Variants in KCNMB2 observed in about 807,000 individuals in gnomAD.
KCNMB2 encodes potassium calcium-activated channel subfamily M regulatory beta subunit 2.
KCNMB2 carries 9 observed loss-of-function variants against 24.5 expected under a neutral mutation model. That is an observed-to-expected ratio of 0.37 (90% CI 0.22 to 0.64). The LOEUF (loss-of-function observed/expected upper bound fraction) is 0.64, where lower values mean the gene tolerates loss of function less well. Among genes scored for constraint, KCNMB2 ranks in the 30% least tolerant of loss-of-function variants. The pLI, the probability that KCNMB2 is intolerant of heterozygous loss-of-function variation, is 0.63. For synonymous variants in KCNMB2, 109 were observed against 104.4 expected, an observed-to-expected ratio of 1.04 and a Z score of -0.27; for missense variants, 226 against 284.3, an observed-to-expected ratio of 0.79 and a Z score of 1.47.
intron 1 of KCNMB2, among the ~76,000 whole-genome samples, chr3:178,705,412 T>C (rs1222722728): frequency 6.6e-6 from 1 of 152,148 alleles, no homozygotes; most frequent in African/African-American, 2.4e-5. Context: ...GGTCGTTCCA[T>C]AGGCTAAAGC....
intron 1 of KCNMB2, among the ~76,000 whole-genome samples, chr3:178,714,618 G>A (rs1479866457): frequency 1.3e-5 from 2 of 152,232 alleles, no homozygotes; most frequent in Non-Finnish European, 2.9e-5. Context: ...AATGAGCCCA[G>A]TTTGGAAAGA....
chr3:178,739,901 A>G (rs1344981999), intron 1 of KCNMB2, among the ~76,000 whole-genome samples: 2 of 152,164 alleles, frequency 1.3e-5, no homozygotes, highest in African/African-American at 2.4e-5. Context: ...GAAAACCAGA[A>G]CACAGACTCA....
At chr3:178,760,646 A>G (rs1169385587) in intron 1 of KCNMB2, among the ~76,000 whole-genome samples, 2 of 151,374 alleles carry the variant, frequency 1.3e-5, no homozygotes, top group African/African-American at 2.4e-5. Flanking sequence ...TACAAGAAGG[A>G]AATAAATTAA....
intron 1 of KCNMB2, among the ~76,000 whole-genome samples, chr3:178,597,856 G>T (rs1717932205): frequency 6.6e-6 from 1 of 152,048 alleles, no homozygotes; most frequent in Non-Finnish European, 1.5e-5. Flanking sequence ...AAAAAGCCCT[G>T]TTGATAATCT....
intron 1 of KCNMB2, among the ~76,000 whole-genome samples, chr3:178,613,261 G>A (rs1718560206): frequency 6.6e-6 from 1 of 152,176 alleles, no homozygotes; most frequent in Non-Finnish European, 1.5e-5. Flanking sequence ...AGTGGGGCAT[G>A]GTGGTGGGCG....
At chr3:178,544,845 T>C (rs1464285085) in intron 1 of KCNMB2, among the ~76,000 whole-genome samples, 1 of 152,214 alleles carries the variant, frequency 6.6e-6, no homozygotes, top group Non-Finnish European at 1.5e-5. Context: ...GGTTGCAAAC[T>C]CATTGAAAGC....
At chr3:178,724,754 T>C (rs763444073) in intron 1 of KCNMB2, among the ~76,000 whole-genome samples, 3 of 152,094 alleles carry the variant, frequency 2.0e-5, no homozygotes, top group African/African-American at 4.8e-5. Context: ...ACTTATTGAA[T>C]AGCGTACCTT....
At chr3:178,759,041 G>A (rs1198402321) in intron 1 of KCNMB2, among the ~76,000 whole-genome samples, 6 of 228 alleles carry the variant, frequency 0.026, no homozygotes, top group African/African-American at 0.042. Context: ...TCTCCAAGAG[G>A]GATATATATA....
chr3:178,832,023 ATTG>A (rs1350888762), intron 4 of KCNMB2, among the ~76,000 whole-genome samples: 1 of 152,128 alleles, frequency 6.6e-6, no homozygotes, highest in African/African-American at 2.4e-5. Context: ...AGACATTACT[ATTG>A]TTGTTGTATA....
At chr3:178,745,191 G>A (rs759460392) in intron 1 of KCNMB2, among the ~76,000 whole-genome samples, 2 of 152,078 alleles carry the variant, frequency 1.3e-5, no homozygotes, top group Admixed American at 1.3e-4. Flanking sequence ...ACCCAAGACG[G>A]GGCAATTTAC....
At chr3:178,607,813 TAC>T (rs1253610069) in intron 1 of KCNMB2, among the ~76,000 whole-genome samples, 1 of 152,180 alleles carries the variant, frequency 6.6e-6, no homozygotes, top group African/African-American at 2.4e-5. Flanking sequence ...ATCTTGTTAA[TAC>T]AGTCATTTAA....
chr3:178,616,647 T>A (rs1311166265), intron 1 of KCNMB2, among the ~76,000 whole-genome samples: 2 of 152,204 alleles, frequency 1.3e-5, no homozygotes, highest in Non-Finnish European at 2.9e-5. Context: ...CTCACCTGAC[T>A]TTTGGTTCTT....
intron 1 of KCNMB2, chr3:178,801,942 G>A (rs1713792334): frequency 6.6e-6 from 1 of 152,206 alleles, no homozygotes; most frequent in Admixed American, 6.5e-5. Context: ...TGCCTGGAAT[G>A]TAAGAGGCAC....
chr3:178,788,292 G>C (rs777675937), intron 1 of KCNMB2, among the ~76,000 whole-genome samples: 11 of 152,154 alleles, frequency 7.2e-5, no homozygotes, highest in Non-Finnish European at 1.3e-4. Context: ...AATCAAAACT[G>C]AACATCAGTT....
chr3:178,644,645 T>C, intron 1 of KCNMB2, among the ~76,000 whole-genome samples: 1 of 152,220 alleles, frequency 6.6e-6, no homozygotes, highest in East Asian at 1.9e-4. Context: ...GTGTGCATCG[T>C]CAGCTTCTCC....
chr3:178,588,959 C>T (rs1233750161), intron 1 of KCNMB2, among the ~76,000 whole-genome samples: 1 of 152,214 alleles, frequency 6.6e-6, no homozygotes, highest in Non-Finnish European at 1.5e-5. Flanking sequence ...TCAGGTCACA[C>T]AGCTATTAAG....
At position 178,785,569 on chromosome 3, in the gene KCNMB2, TA is replaced by T. The variant is rs960543466; in HGVS notation, c.-67-21768del. Among the ~76,000 whole-genome samples the T allele has an allele frequency of 3.6e-4, 55 of 152,148 alleles. 1 individual carries two copies. Among genetic ancestry groups the T allele is most frequent in the African/African-American group, 1.3e-3 (52 of 41,560 alleles). Reference sequence around the variant, plus strand: ...AACCTATGAAATGAATCTATAATATTAAAAAAGCACAATAGTGGTTATCCCT... The same window carrying T: ...AACCTATGAAATGAATCTATAATATTAAAAAGCACAATAGTGGTTATCCCT... On this transcript the variant is annotated intron_variant, in intron 1 of 4. Coordinates refer to ENST00000452583, the MANE Select transcript of KCNMB2 (RefSeq NM_181361.3).
intron 1 of KCNMB2, among the ~76,000 whole-genome samples, chr3:178,639,632 GA>G (rs977514006): frequency 2.2e-4 from 34 of 152,264 alleles, no homozygotes; most frequent in Admixed American, 4.6e-4. Context: ...TCCCCTTTGG[GA>G]AAAAGGGCTC....
At chr3:178,568,878 AGATAGATAGATAGATAGATAGATG>A (rs756013444) in intron 1 of KCNMB2, among the ~76,000 whole-genome samples, 13 of 145,916 alleles carry the variant, frequency 8.9e-5, no homozygotes, top group African/African-American at 2.5e-4. Context: ...ATAGATAGAT[AGATAGATAGATAGATAGATAGATG>A]GATAGATAGA....
Sources: allele counts gnomAD v4.1 joint callset (sites outside exome capture counted in the v4.1 genomes callset), GRCh38; gene constraint gnomAD v4.1.1; transcripts MANE v1.5; gene names NCBI Gene and HGNC (gene_info 2026-07-23, HGNC 2026-07-21).